CKAP5: variants seen among roughly 807,000 people sequenced by gnomAD.
The protein encoded by CKAP5 is cytoskeleton-associated protein 5.
CKAP5 carries 27 observed loss-of-function variants against 232.8 expected under a neutral mutation model. That is an observed-to-expected ratio of 0.12 (90% CI 0.09 to 0.16). The LOEUF (loss-of-function observed/expected upper bound fraction) is 0.16, where lower values mean the gene tolerates loss of function less well. Ranked by LOEUF, CKAP5 falls within the 10% of genes least tolerant of loss-of-function variation. The pLI is 1.00. For missense variants in CKAP5, 1,838 were observed against 2,424.7 expected (o/e 0.76, Z 5.08); for synonymous variants, 785 against 841.1 (o/e 0.93, Z 1.16).
chr11:46,793,648 C>T (rs895501909), intron 13 of CKAP5, among the ~76,000 whole-genome samples: 1 of 152,218 alleles, frequency 6.6e-6, no homozygotes, highest in African/African-American at 2.4e-5. Flanking sequence ...CCTGGCTGGG[C>T]GCAGTGGCTC....
At chr11:46,774,352 T>C (rs1440869478) in intron 24 of CKAP5, among the ~76,000 whole-genome samples, 1 of 152,088 alleles carries the variant, frequency 6.6e-6, no homozygotes, top group Non-Finnish European at 1.5e-5. Flanking sequence ...CACAAACAAA[T>C]GGAAGAACAT....
At chr11:46,750,686 C>T in intron 40 of CKAP5, 75 bp from the exon 41 acceptor site, 1 of 1,141,252 alleles carries the variant, frequency 8.8e-7, no homozygotes, top group Non-Finnish European at 1.3e-6. Context: ...TGGATATGAA[C>T]AGAAAATATC....
intron 1 of CKAP5, 70 bp from the exon 2 acceptor site, chr11:46,821,338 G>T: frequency 3.3e-6 from 2 of 611,322 alleles, no homozygotes; most frequent in East Asian, 3.5e-5. Flanking sequence ...ACTTTTCTGA[G>T]ATTATTATTT....
intron 38 of CKAP5, 120 bp downstream of exon 38, chr11:46,752,515 C>G (rs2065077334): frequency 3.1e-6 from 2 of 644,340 alleles, no homozygotes; most frequent in African/African-American, 3.8e-5. Context: ...AATATATTTT[C>G]AGGTGTGACT....
intron 27 of CKAP5, among the ~76,000 whole-genome samples, chr11:46,766,950 G>A (rs1255287481): frequency 6.6e-6 from 1 of 152,048 alleles, no homozygotes; most frequent in African/African-American, 2.4e-5. Flanking sequence ...AAATTTGAAG[G>A]AGGTTGATTT....
rs534730562 is a variant in CKAP5, at chr11:46,797,382, A to G, written c.1338+423T>C. ...ACTCCATCTCAAACAAAACAAAAAC[A>G]ACAACAACAAAAAAAAAAAAACAAA... On this transcript the variant is annotated intron_variant, in intron 11 of 43. Coordinates refer to ENST00000529230, the MANE Select transcript of CKAP5 (RefSeq NM_001008938.4). Among the ~76,000 whole-genome samples the G allele has an allele frequency of 5.0e-4, 69 of 138,408 alleles. 3 individuals are homozygous for G. The South Asian group carries it at 0.015, about 30-fold the overall frequency. The allele number at this position is 138,408 out of a possible 152,430, so 90.8% of individuals were successfully genotyped here.
intron 4 of CKAP5, among the ~76,000 whole-genome samples, chr11:46,812,868 C>G (rs1939309533): frequency 6.6e-6 from 1 of 152,016 alleles, no homozygotes; most frequent in Non-Finnish European, 1.5e-5. Context: ...GTCTTGAACT[C>G]CTGGGCTCAG....
At chr11:46,782,234 C>T (rs772913353) in intron 18 of CKAP5, among the ~76,000 whole-genome samples, 1 of 152,042 alleles carries the variant, frequency 6.6e-6, no homozygotes, top group Non-Finnish European at 1.5e-5. Context: ...AATTTAATTT[C>T]GTTCATGATG....
At chr11:46,765,064 ACAG>A in intron 28 of CKAP5, 64 bp downstream of exon 28, 1 of 1,452,010 alleles carries the variant, frequency 6.9e-7, no homozygotes, top group Non-Finnish European at 9.4e-7. Context: ...ATGAATTCAG[ACAG>A]CAAAACTATT....
Position 46,818,515 on chromosome 11 carries a change from G to T in CKAP5, c.58-12C>A, listed in dbSNP as rs1181558291. On this transcript the variant is annotated splice_polypyrimidine_tract_variant and intron_variant, in intron 2 of 43. Coordinates refer to ENST00000529230, the MANE Select transcript of CKAP5 (RefSeq NM_001008938.4). ...CTTGCTTTCCACAGCTAAAAGAAAA[G>T]TAGTATTTTGAAACAAAACATAATT... 24 of 1,516,786 alleles carry T rather than the reference G, an allele frequency of 1.6e-5. No individual in the cohort carries two copies. The highest frequency in any genetic ancestry group is 2.1e-5 in the Non-Finnish European group (24 of 1,135,718). 94.0% of individuals were successfully genotyped at this position (1,516,786 alleles called of 1,614,324 possible). A position where few individuals can be genotyped will look rare whatever the true frequency, so the allele number is the denominator to read the frequency against.
chr11:46,758,945 GTGTTGATGTCACCAC>G lies in CKAP5; in HGVS notation c.4652_4666del (p.Ser1551_Asn1555del). On this transcript the variant is annotated inframe_deletion, in exon 35 of 44. Coordinates refer to ENST00000529230, the MANE Select transcript of CKAP5 (RefSeq NM_001008938.4). ...TACCTGTGTCAGAGCTTGGATACTT[GTGTTGATGTCACCAC>G]TGGCTACTTGGGAGATAATGAAATT... 1 of 1,613,884 alleles carries G rather than the reference GTGTTGATGTCACCAC, an allele frequency of 6.2e-7. No individual in the cohort carries two copies. The highest frequency in any genetic ancestry group is 8.5e-7 in the Non-Finnish European group (1 of 1,179,956).
At position 46,816,304 on chromosome 11, in the gene CKAP5, C is replaced by G; in HGVS notation, c.352G>C (p.Glu118Gln). 6.2e-7 allele frequency: 1 copy of G among 1,614,118 alleles called. No individual in the cohort carries two copies. Among genetic ancestry groups the G allele is most frequent in the Non-Finnish European group, 8.5e-7 (1 of 1,179,994 alleles). Reference sequence around the variant, plus strand: ...TGAACAGCCTCTCCTTTCTCAATCTCTATGTACATAAGACAGATCTCTATG... The same window carrying G: ...TGAACAGCCTCTCCTTTCTCAATCTGTATGTACATAAGACAGATCTCTATG... ...LGIEICLMYI[E>Q]IEKGEAVQEE... Residue 118 changes from glutamate (E) to glutamine (Q), a missense_variant, in exon 4 of 44, where the codon GAG becomes CAG. Glu to Gln is a conservative substitution (Grantham distance 29). Around this residue, in one of 6 missense-constraint regions of CKAP5, gnomAD observed 285 missense variants for 300.0 expected, o/e 0.95. Transcript: ENST00000529230.
intron 1 of CKAP5, among the ~76,000 whole-genome samples, chr11:46,838,596 C>T (rs1347306853): frequency 1.0e-5 from 1 of 99,446 alleles, no homozygotes; most frequent in Admixed American, 1.6e-4. Flanking sequence ...TCCTGGGCAA[C>T]ATAGTAATAC....
At chr11:46,810,384 C>A (rs185463843) in intron 5 of CKAP5, among the ~76,000 whole-genome samples, 76 of 152,294 alleles carry the variant, frequency 5.0e-4, no homozygotes, top group Middle Eastern at 3.4e-3. Flanking sequence ...TTTTGGCTCA[C>A]TGCAGCCTCC....
At chr11:46,843,649 G>A (rs902681988) in intron 1 of CKAP5, among the ~76,000 whole-genome samples, 4 of 150,692 alleles carry the variant, frequency 2.7e-5, no homozygotes, top group East Asian at 2.0e-4. Context: ...AGGATCACCT[G>A]AGCCCTGGAG....
At chr11:46,752,782 G>T in intron 37 of CKAP5, 72 bp from the exon 38 acceptor site, 1 of 1,162,998 alleles carries the variant, frequency 8.6e-7, no homozygotes, top group Non-Finnish European at 1.3e-6. Context: ...CAGTTGAAAG[G>T]GCAAGTGAGA....
At chr11:46,760,942 A>C (rs2065149489) in intron 32 of CKAP5, among the ~76,000 whole-genome samples, 158 bp from the exon 33 acceptor site, 1 of 152,194 alleles carries the variant, frequency 6.6e-6, no homozygotes, top group Non-Finnish European at 1.5e-5. Flanking sequence ...TGCTATAGGA[A>C]GAGGAGATAT....
chr11:46,796,669 T>C, intron 12 of CKAP5, 143 bp downstream of exon 12: 1 of 868,012 alleles, frequency 1.2e-6, no homozygotes, highest in South Asian at 1.9e-5. Context: ...TATGCATTTC[T>C]TTCCTACTAT....
At chr11:46,812,791 C>T (rs1939307703) in intron 4 of CKAP5, among the ~76,000 whole-genome samples, 1 of 152,042 alleles carries the variant, frequency 6.6e-6, no homozygotes, top group African/African-American at 2.4e-5. Context: ...AGGGGCACCA[C>T]CATGCCCGGC....
Sources: allele counts gnomAD v4.1 joint callset (sites outside exome capture counted in the v4.1 genomes callset), GRCh38; gene constraint gnomAD v4.1.1; regional missense constraint gnomAD v4.1.1; transcripts MANE v1.5; gene names NCBI Gene and HGNC (gene_info 2026-07-23, HGNC 2026-07-21).